The following DOP1B variants were observed in gnomAD, a reference collection of about 807,000 sequenced individuals.
The protein encoded by DOP1B is protein DOP1B.
In DOP1B, 174 loss-of-function variants were observed where a neutral mutation model predicts 233.5. The ratio of observed to expected loss-of-function variants is 0.75; its 90% CI spans 0.66 to 0.85. The LOEUF is 0.85. DOP1B is among the 40% of genes least tolerant of loss of function. The pLI is 0.00. For missense variants in DOP1B, 2,652 were observed against 2,846.6 expected (o/e 0.93, Z 1.56); for synonymous variants, 1,190 against 1,185.6 (o/e 1.00, Z -0.08).
chr21:36,240,045 T>C, intron 18 of DOP1B, 90 bp downstream of exon 18: 4 of 1,400,566 alleles, frequency 2.9e-6, no homozygotes, highest in Non-Finnish European at 2.8e-6. Context: ...TGAGGCCCAC[T>C]AGGGGGTTTT....
chr21:36,199,899 G>A (rs2066341619), intron 3 of DOP1B, among the ~76,000 whole-genome samples: 1 of 152,118 alleles, frequency 6.6e-6, no homozygotes, highest in Non-Finnish European at 1.5e-5. Context: ...ATAAATATAC[G>A]TGTGGATGTG....
At chr21:36,233,220 G>T in intron 15 of DOP1B, 145 bp downstream of exon 15, 2 of 1,166,184 alleles carry the variant, frequency 1.7e-6, no homozygotes, top group Non-Finnish European at 2.4e-6. Flanking sequence ...GTAGCCTTTG[G>T]TCTTCCTCTC....
chr21:36,252,386 A>G (rs1360900824), intron 22 of DOP1B, among the ~76,000 whole-genome samples: 5 of 151,490 alleles, frequency 3.3e-5, no homozygotes, highest in African/African-American at 1.2e-4. Flanking sequence ...TGAAGCCAGG[A>G]ATATGAAGCT....
intron 12 of DOP1B, 55 bp from the exon 13 acceptor site, chr21:36,227,631 G>T: frequency 7.1e-7 from 1 of 1,406,682 alleles, no homozygotes; most frequent in Non-Finnish European, 9.4e-7. Context: ...GAGATGCATT[G>T]TTTTTCTGAT....
At chr21:36,244,989 G>A in intron 18 of DOP1B, 59 bp from the exon 19 acceptor site, 1 of 1,508,742 alleles carries the variant, frequency 6.6e-7, no homozygotes, top group Non-Finnish European at 8.9e-7. Context: ...CCGCCCTACA[G>A]CTAATGTATC....
chr21:36,165,426 G>T (rs967854311), intron 2 of DOP1B, among the ~76,000 whole-genome samples: 6 of 152,120 alleles, frequency 3.9e-5, no homozygotes, highest in African/African-American at 1.4e-4. Flanking sequence ...GTGCATACGT[G>T]TGTGCATGTG....
chr21:36,292,006 A>T, intron 35 of DOP1B, 98 bp from the exon 36 acceptor site: 1 of 1,364,170 alleles, frequency 7.3e-7, no homozygotes. Context: ...GTCCATATTA[A>T]ATAGATACAG....
chr21:36,159,056 C>T lies in DOP1B; in HGVS notation c.-27+2113C>T, dbSNP rs1390258555. 2.6e-5 allele frequency among the ~76,000 whole-genome samples: 4 copies of T among 151,934 alleles called. No individual in the cohort carries two copies. In the South Asian group the frequency reaches 6.2e-4, roughly 24 times the overall value. ...CTGAGGCAGGAGAATCGCTGGAACC[C>T]GGGAGGCAGAGGTTGCAGTGAGCCA... On this transcript the variant is annotated intron_variant, in intron 1 of 36. Coordinates refer to ENST00000691173, the MANE Select transcript of DOP1B (RefSeq NM_001320714.2).
intron 27 of DOP1B, among the ~76,000 whole-genome samples, chr21:36,274,803 T>C (rs1197794442): frequency 1.3e-5 from 2 of 151,822 alleles, no homozygotes; most frequent in African/African-American, 4.8e-5. Flanking sequence ...CATAGGGCAG[T>C]AGCCAAGCAG....
chr21:36,174,309 G>T (rs12482884), intron 2 of DOP1B, among the ~76,000 whole-genome samples: 1 of 152,138 alleles, frequency 6.6e-6, no homozygotes, highest in African/African-American at 2.4e-5. Context: ...CTGACATGGC[G>T]AAACCCCGTC....
intron 2 of DOP1B, chr21:36,170,000 C>T (rs186661193): frequency 2.0e-5 from 15 of 754,690 alleles, no homozygotes; most frequent in Admixed American, 1.2e-4. Context: ...CTTGGCCTGT[C>T]GACTTCCCGT....
intron 2 of DOP1B, among the ~76,000 whole-genome samples, chr21:36,168,516 C>T (rs191183504): frequency 2.6e-5 from 4 of 151,948 alleles, no homozygotes; most frequent in Admixed American, 2.6e-4. Flanking sequence ...TTCCTAACAT[C>T]CTCACCAATA....
chr21:36,186,283 T>G (rs368485330), intron 2 of DOP1B, among the ~76,000 whole-genome samples: 1 of 152,182 alleles, frequency 6.6e-6, no homozygotes, highest in African/African-American at 2.4e-5. Flanking sequence ...GAGCAGCCTG[T>G]GTGGCTGACA....
In DOP1B at chr21:36,272,984, CAAAA is replaced by C. The variant is rs1167312513; in HGVS notation, c.5632+2847_5632+2850del. On this transcript the variant is annotated intron_variant, in intron 27 of 36. Coordinates refer to ENST00000691173, the MANE Select transcript of DOP1B (RefSeq NM_001320714.2). Reference sequence around the variant, plus strand: ...GGGCAACAAGAGCAAAACTCCATCTCAAAAAAAAAAAAAAAAAAAAAAAGACCCC... The same window carrying C: ...GGGCAACAAGAGCAAAACTCCATCTCAAAAAAAAAAAAAAAAAAAGACCCC... 1.1e-4 allele frequency among the ~76,000 whole-genome samples: 6 copies of C among 56,930 alleles called. No individual in the cohort carries two copies. The Admixed American group carries it at 1.3e-3, about 12-fold the overall frequency. The allele number at this position is 56,930 out of a possible 152,430, so 37.3% of individuals were successfully genotyped here. A position where few individuals can be genotyped will look rare whatever the true frequency, so the allele number is the denominator to read the frequency against.
chr21:36,236,871 G>A (rs986608127), intron 15 of DOP1B, among the ~76,000 whole-genome samples: 2 of 139,590 alleles, frequency 1.4e-5, no homozygotes, highest in Non-Finnish European at 1.5e-5. Flanking sequence ...TGCAACCTCC[G>A]CCTCCTGGAT....
chr21:36,168,066 C>G (rs1273017280), intron 2 of DOP1B, among the ~76,000 whole-genome samples: 1 of 150,494 alleles, frequency 6.6e-6, no homozygotes, highest in African/African-American at 2.4e-5. Flanking sequence ...GCCTCAGCCT[C>G]CCGAGTAACT....
intron 32 of DOP1B, among the ~76,000 whole-genome samples, chr21:36,285,931 C>T (rs2067478014): frequency 1.3e-5 from 2 of 152,056 alleles, no homozygotes; most frequent in Admixed American, 1.3e-4. Flanking sequence ...TTGCTTGAAC[C>T]CTGGAGGCGG....
intron 2 of DOP1B, among the ~76,000 whole-genome samples, chr21:36,194,076 C>G (rs1002944360): frequency 6.6e-6 from 1 of 152,182 alleles, no homozygotes; most frequent in African/African-American, 2.4e-5. Flanking sequence ...GAATTGGTGG[C>G]TCTGGTGCCC....
At chr21:36,287,747 C>T (rs565833234) in intron 32 of DOP1B, among the ~76,000 whole-genome samples, 45 of 151,750 alleles carry the variant, frequency 3.0e-4, no homozygotes, top group Non-Finnish European at 6.3e-4. Flanking sequence ...CCACCACGCC[C>T]GACTAATTTT....
Sources: gnomAD v4.1 joint callset for allele counts (sites outside exome capture counted in the v4.1 genomes callset) on GRCh38, gnomAD v4.1.1 for gene constraint, MANE v1.5 for transcripts, NCBI Gene and HGNC (gene_info 2026-07-23, HGNC 2026-07-21) for gene names.